The following PACRG variants were observed in gnomAD, a reference collection of about 807,000 sequenced individuals.
The protein encoded by PACRG is parkin coregulated.
PACRG carries 29 observed loss-of-function variants against 29.7 expected under a neutral mutation model. The observed-to-expected ratio is 0.98, with a 90% CI of 0.73 to 1.33. The LOEUF (loss-of-function observed/expected upper bound fraction) is 1.33, where lower values mean the gene tolerates loss of function less well. PACRG is among the 40% of genes most tolerant of loss of function. PACRG has a pLI of 0.00. For synonymous variants in PACRG, 116 were observed against 118.7 expected (o/e 0.98, Z 0.15); for missense variants, 279 against 316.2 (o/e 0.88, Z 0.89).
intron 2 of PACRG, among the ~76,000 whole-genome samples, chr6:162,933,432 G>C (rs927495320): frequency 3.3e-5 from 5 of 152,006 alleles, no homozygotes; most frequent in Admixed American, 6.6e-5. Context: ...ACCTAAAAGT[G>C]GGGTATTGAA....
chr6:163,239,725 CAT>C (rs1308228879), intron 4 of PACRG, among the ~76,000 whole-genome samples: 1 of 147,340 alleles, frequency 6.8e-6, no homozygotes, highest in Non-Finnish European at 1.5e-5. Flanking sequence ...CACACTCCCA[CAT>C]ACACACACAC....
intron 2 of PACRG, among the ~76,000 whole-genome samples, chr6:162,910,820 C>T (rs1796250310): frequency 6.6e-6 from 1 of 152,186 alleles, no homozygotes; most frequent in Non-Finnish European, 1.5e-5. Context: ...CCATAATTTT[C>T]TCTGCAGATT....
At chr6:163,047,405 T>C (rs1809507901) in intron 2 of PACRG, among the ~76,000 whole-genome samples, 2 of 152,348 alleles carry the variant, frequency 1.3e-5, no homozygotes, top group African/African-American at 4.8e-5. Context: ...TTTAAAGTTT[T>C]AGGAAATTCC....
At chr6:162,852,695 C>T (rs1172059118) in intron 2 of PACRG, among the ~76,000 whole-genome samples, 1 of 152,088 alleles carries the variant, frequency 6.6e-6, no homozygotes, top group Non-Finnish European at 1.5e-5. Flanking sequence ...AATTTCGAGC[C>T]TATGTTTTAT....
At chr6:162,968,910 G>C (rs1394324154) in intron 2 of PACRG, among the ~76,000 whole-genome samples, 1 of 151,920 alleles carries the variant, frequency 6.6e-6, no homozygotes, top group African/African-American at 2.4e-5. Flanking sequence ...AGCTGGGCGT[G>C]GTGGCGGGCG....
chr6:163,296,926 AAG>A (rs1347742839), intron 4 of PACRG, among the ~76,000 whole-genome samples: 1 of 152,010 alleles, frequency 6.6e-6, no homozygotes, highest in Non-Finnish European at 1.5e-5. Context: ...AAAAAAGTAA[AAG>A]AAATACCAGA....
chr6:163,089,825 T>C (rs1487358749), intron 4 of PACRG, among the ~76,000 whole-genome samples: 3 of 152,262 alleles, frequency 2.0e-5, no homozygotes, highest in Non-Finnish European at 4.4e-5. Context: ...AGCACTATTA[T>C]TAAAATCTGG....
At chr6:162,811,030 C>T (rs534799391) in intron 1 of PACRG, among the ~76,000 whole-genome samples, 2 of 152,104 alleles carry the variant, frequency 1.3e-5, no homozygotes, top group East Asian at 1.9e-4. Flanking sequence ...AGAGAAAAAT[C>T]GTGGCATAAC....
chr6:162,946,042 T>C (rs956001338), intron 2 of PACRG, among the ~76,000 whole-genome samples: 1 of 151,990 alleles, frequency 6.6e-6, no homozygotes, highest in African/African-American at 2.4e-5. Context: ...TAGTGATAAA[T>C]GCCTGTGTCA....
chr6:163,094,531 G>C (rs2128306868), intron 4 of PACRG, among the ~76,000 whole-genome samples: 1 of 152,300 alleles, frequency 6.6e-6, no homozygotes, highest in East Asian at 1.9e-4. Context: ...GATCCGTGTA[G>C]GGGTCCTTTG....
At chr6:162,965,408 G>A (rs575003685) in intron 2 of PACRG, among the ~76,000 whole-genome samples, 3 of 152,302 alleles carry the variant, frequency 2.0e-5, no homozygotes, top group African/African-American at 4.8e-5. Flanking sequence ...GAAGTCCAAC[G>A]TTAAGGCACT....
chr6:163,273,507 G>T (rs1377669404), intron 4 of PACRG, among the ~76,000 whole-genome samples: 3 of 152,032 alleles, frequency 2.0e-5, no homozygotes, highest in Admixed American at 1.3e-4. Context: ...TTTTCCCATA[G>T]AAATAAGACT....
chr6:162,909,735 T>C (rs1238023390), intron 2 of PACRG, among the ~76,000 whole-genome samples: 1 of 152,108 alleles, frequency 6.6e-6, no homozygotes, highest in Non-Finnish European at 1.5e-5. Context: ...GGTGGGGTTA[T>C]TGGCCATTAA....
chr6:162,786,022 G>A (rs1439113301), intron 1 of PACRG, among the ~76,000 whole-genome samples: 3 of 152,204 alleles, frequency 2.0e-5, no homozygotes, highest in African/African-American at 7.2e-5. Context: ...TCCTGGCAGG[G>A]CCTGCCATAT....
chr6:162,907,645 CTCTT>C (rs1259852846), intron 2 of PACRG, among the ~76,000 whole-genome samples: 2 of 152,030 alleles, frequency 1.3e-5, no homozygotes, highest in African/African-American at 2.4e-5. Flanking sequence ...GTATGCGTGA[CTCTT>C]TCTTAAGACT....
chr6:162,990,381 A>G (rs1803342811), intron 2 of PACRG, among the ~76,000 whole-genome samples: 1 of 150,904 alleles, frequency 6.6e-6, no homozygotes, highest in Non-Finnish European at 1.5e-5. Flanking sequence ...CTATTTCTCC[A>G]CATCCTCTCC....
chr6:162,961,283 T>TAGAGGAAGA (rs1800595762), intron 2 of PACRG, among the ~76,000 whole-genome samples: 1 of 152,182 alleles, frequency 6.6e-6, no homozygotes, highest in Non-Finnish European at 1.5e-5. Context: ...GGAAGCTGTC[T>TAGAGGAAGA]AGAGGAAGAA....
intron 2 of PACRG, among the ~76,000 whole-genome samples, chr6:162,998,662 A>G (rs1804305420): frequency 6.6e-6 from 1 of 152,190 alleles, no homozygotes; most frequent in Non-Finnish European, 1.5e-5. Context: ...TATGCAGTAC[A>G]ATTTCATAGT....
At chr6:162,906,704 A>G (rs1398985899) in intron 2 of PACRG, among the ~76,000 whole-genome samples, 3 of 152,192 alleles carry the variant, frequency 2.0e-5, no homozygotes, top group Non-Finnish European at 4.4e-5. Context: ...CGTTACAAGT[A>G]TTGAAGATCT....
Sources: gnomAD v4.1 joint callset for allele counts (sites outside exome capture counted in the v4.1 genomes callset) on GRCh38, gnomAD v4.1.1 for gene constraint, MANE v1.5 for transcripts, NCBI Gene and HGNC (gene_info 2026-07-23, HGNC 2026-07-21) for gene names.